Variants in GRID2 observed in about 807,000 individuals in gnomAD.
The protein encoded by GRID2 is glutamate ionotropic receptor delta type subunit 2, also known as glutamate receptor ionotropic, delta-2.
GRID2 carries 33 observed loss-of-function variants against 114.8 expected under a neutral mutation model. The ratio of observed to expected loss-of-function variants is 0.29; its 90% CI spans 0.22 to 0.38. The LOEUF (loss-of-function observed/expected upper bound fraction) is 0.38, where lower values mean the gene tolerates loss of function less well. GRID2 is among the 10% of genes least tolerant of loss of function. The pLI is 1.00. For synonymous variants in GRID2, 505 were observed against 449.9 expected (o/e 1.12, Z -1.55); for missense variants, 1,184 against 1,257.7 (o/e 0.94, Z 0.89).
At chr4:93,033,491 G>A (rs1165513069) in intron 2 of GRID2, among the ~76,000 whole-genome samples, 2 of 152,120 alleles carry the variant, frequency 1.3e-5, no homozygotes, top group East Asian at 3.9e-4. Flanking sequence ...AAGCCCACTA[G>A]AACCTCGTTG....
intron 14 of GRID2, among the ~76,000 whole-genome samples, chr4:93,718,416 C>T (rs1229819625): frequency 6.6e-6 from 1 of 152,130 alleles, no homozygotes; most frequent in East Asian, 1.9e-4. Flanking sequence ...ACTCCATATT[C>T]AGGCAAAGTT....
rs1027579012 is a variant in GRID2, at chr4:92,439,954, C to T, written c.88+135210C>T. 3.5e-3 allele frequency among the ~76,000 whole-genome samples: 495 copies of T among 142,904 alleles called. 11 individuals are homozygous for T. The highest frequency in any genetic ancestry group is 0.011 in the African/African-American group (438 of 40,326). The allele number at this position is 142,904 out of a possible 152,430, so 93.8% of individuals were successfully genotyped here. A position where few individuals can be genotyped will look rare whatever the true frequency, so the allele number is the denominator to read the frequency against. ...AACGGTGAATAGGAGTATGACTAGA[C>T]AGAAGATAGTAGGGATGACAAGTTT... is the stretch of plus-strand genomic sequence containing the variant. On this transcript the variant is annotated intron_variant, in intron 1 of 15. Coordinates refer to ENST00000282020, the MANE Select transcript of GRID2 (RefSeq NM_001510.4).
chr4:93,627,405 A>G (rs1742825175), intron 14 of GRID2, among the ~76,000 whole-genome samples: 1 of 152,164 alleles, frequency 6.6e-6, no homozygotes, highest in African/African-American at 2.4e-5. Flanking sequence ...TCAGTAGTTC[A>G]CAATTTGTGT....
At chr4:93,291,013 G>A (rs996170175) in intron 8 of GRID2, among the ~76,000 whole-genome samples, 1 of 151,270 alleles carries the variant, frequency 6.6e-6, no homozygotes, top group African/African-American at 2.4e-5. Flanking sequence ...GAGTAGCTGG[G>A]ACTACAGGCG....
chr4:93,434,606 A>G (rs912750233), intron 10 of GRID2, among the ~76,000 whole-genome samples: 7 of 152,038 alleles, frequency 4.6e-5, no homozygotes, highest in African/African-American at 1.4e-4. Context: ...TCCACTCACT[A>G]TCTTGTTCCT....
At chr4:93,168,701 AAG>A (rs149420398) in intron 4 of GRID2, among the ~76,000 whole-genome samples, 2 of 152,258 alleles carry the variant, frequency 1.3e-5, no homozygotes, top group East Asian at 3.9e-4. Flanking sequence ...CTTACAGAAA[AAG>A]AGAAACAGAA....
intron 10 of GRID2, among the ~76,000 whole-genome samples, chr4:93,447,175 AATG>A (rs1722168421): frequency 6.6e-6 from 1 of 151,958 alleles, no homozygotes; most frequent in Admixed American, 6.6e-5. Context: ...TTTAGAAAAT[AATG>A]ATAACAAAAG....
chr4:92,891,343 G>A (rs1029483266), intron 2 of GRID2, among the ~76,000 whole-genome samples: 3 of 152,258 alleles, frequency 2.0e-5, no homozygotes, highest in Admixed American at 6.5e-5. Context: ...TTATGTGCCA[G>A]GCATTGTATT....
At chr4:93,627,225 T>C (rs1399734980) in intron 14 of GRID2, among the ~76,000 whole-genome samples, 3 of 152,188 alleles carry the variant, frequency 2.0e-5, no homozygotes, top group Admixed American at 1.3e-4. Context: ...GTTTATTTTC[T>C]AGATTTTCTT....
intron 1 of GRID2, among the ~76,000 whole-genome samples, chr4:92,399,932 C>A (rs1242147121): frequency 1.3e-5 from 2 of 151,646 alleles, no homozygotes; most frequent in Non-Finnish European, 1.5e-5. Context: ...CATATTATTT[C>A]ATTGTGATTA....
chr4:93,292,976 C>T (rs981202816), intron 8 of GRID2, among the ~76,000 whole-genome samples: 1 of 152,108 alleles, frequency 6.6e-6, no homozygotes, highest in Non-Finnish European at 1.5e-5. Flanking sequence ...TCTGCATAGC[C>T]CTTTAGCTGT....
intron 1 of GRID2, among the ~76,000 whole-genome samples, chr4:92,534,141 C>T (rs905154338): frequency 2.0e-5 from 3 of 151,780 alleles, no homozygotes; most frequent in Non-Finnish European, 2.9e-5. Context: ...TCTTATTTTT[C>T]GGGAGCAAAG....
intron 5 of GRID2, among the ~76,000 whole-genome samples, chr4:93,215,700 A>G (rs545994014): frequency 6.6e-6 from 1 of 152,194 alleles, no homozygotes; most frequent in South Asian, 2.1e-4. Flanking sequence ...ACGATTTTTG[A>G]ATCTAACATA....
At chr4:92,779,019 T>C (rs1043217497) in intron 2 of GRID2, among the ~76,000 whole-genome samples, 2 of 152,078 alleles carry the variant, frequency 1.3e-5, no homozygotes, top group Admixed American at 6.6e-5. Context: ...GTTCATTCAC[T>C]GGAAATTTTC....
At position 92,939,978 on chromosome 4, in the gene GRID2, A is replaced by G. The variant is rs1338273416; in HGVS notation, c.245-145017A>G. ...GTTTTGGTTACTGTAGCCTTGTAGTATAGTTTGAAGTCAGGTAGCGTGATG... is the reference window on the plus strand; with the variant it reads ...GTTTTGGTTACTGTAGCCTTGTAGTGTAGTTTGAAGTCAGGTAGCGTGATG... On this transcript the variant is annotated intron_variant, in intron 2 of 15. Transcript: ENST00000282020. 2.2e-4 allele frequency among the ~76,000 whole-genome samples: 33 copies of G among 147,128 alleles called. 1 individual carries two copies. Among genetic ancestry groups the G allele is most frequent in the Non-Finnish European group, 4.8e-4 (32 of 66,474 alleles).
At chr4:93,346,908 A>T (rs1049939198) in intron 8 of GRID2, among the ~76,000 whole-genome samples, 1 of 152,184 alleles carries the variant, frequency 6.6e-6, no homozygotes, top group Non-Finnish European at 1.5e-5. Context: ...CTAAGTTTTG[A>T]TAAATAATAT....
chr4:93,699,262 A>G (rs1424251329), intron 14 of GRID2, among the ~76,000 whole-genome samples: 1 of 152,132 alleles, frequency 6.6e-6, no homozygotes. Flanking sequence ...TTGGTGAAGT[A>G]AAGACAATTG....
chr4:93,190,842 C>T (rs1292020812), intron 4 of GRID2, among the ~76,000 whole-genome samples: 1 of 151,854 alleles, frequency 6.6e-6, no homozygotes, highest in Non-Finnish European at 1.5e-5. Context: ...TTGCAGATAC[C>T]TTTATTCATA....
chr4:92,582,910 C>T (rs566180713), intron 1 of GRID2, among the ~76,000 whole-genome samples: 7 of 151,878 alleles, frequency 4.6e-5, no homozygotes, highest in South Asian at 2.1e-4. Context: ...TCAGGTGAGT[C>T]GGGGAGATTG....
Sources: allele counts gnomAD v4.1 joint callset (sites outside exome capture counted in the v4.1 genomes callset), GRCh38; gene constraint gnomAD v4.1.1; transcripts MANE v1.5; gene names NCBI Gene and HGNC (gene_info 2026-07-23, HGNC 2026-07-21).